PLCZ1: variants seen among roughly 807,000 people sequenced by gnomAD.
PLCZ1 encodes phospholipase C zeta 1, also known as 1-phosphatidylinositol 4,5-bisphosphate phosphodiesterase zeta-1.
A neutral mutation model predicts 76.8 loss-of-function variants in PLCZ1; 64 were observed. That is an observed-to-expected ratio of 0.83 (90% confidence interval 0.68 to 1.03). The LOEUF is 1.03. PLCZ1 is among the 50% of genes least tolerant of loss of function. PLCZ1 has a pLI of 0.00. For synonymous variants in PLCZ1, 248 were observed against 230.8 expected, an observed-to-expected ratio of 1.07 and a Z score of -0.68; for missense variants, 751 against 713.7, an observed-to-expected ratio of 1.05 and a Z score of -0.60.
At chr12:18,720,710 G>T (rs981578308) in intron 4 of PLCZ1, among the ~76,000 whole-genome samples, 4 of 151,978 alleles carry the variant, frequency 2.6e-5, no homozygotes, top group African/African-American at 9.7e-5. Flanking sequence ...CTTTGGCAGA[G>T]AATTTTATTT....
chr12:18,696,819 C>A (rs1955126649), intron 10 of PLCZ1, among the ~76,000 whole-genome samples: 5 of 152,050 alleles, frequency 3.3e-5, no homozygotes, highest in Admixed American at 2.6e-4. Context: ...GCATCTTCCC[C>A]CAAAGTTTAT....
intron 9 of PLCZ1, 27 bp downstream of exon 9, chr12:18,701,474 T>A: frequency 6.2e-7 from 1 of 1,614,044 alleles, no homozygotes; most frequent in Non-Finnish European, 8.5e-7. Context: ...CAATCACTTG[T>A]AAGATTTTCA....
At chr12:18,720,268 A>G (rs187088850) in intron 4 of PLCZ1, among the ~76,000 whole-genome samples, 16 of 151,918 alleles carry the variant, frequency 1.1e-4, no homozygotes, top group Admixed American at 9.9e-4. Context: ...TCTATCACTG[A>G]TAGGCATTTA....
the PLCZ1 span, among the ~76,000 whole-genome samples, chr12:18,677,837 T>C: frequency 1.4e-4 from 21 of 152,112 alleles, no homozygotes; most frequent in African/African-American, 4.1e-4. Flanking sequence ...TCCTTCCATT[T>C]TGGTTTTAAA....
At chr12:18,665,015 G>T in the PLCZ1 span, among the ~76,000 whole-genome samples, 1 of 107,248 alleles carries the variant, frequency 9.3e-6, no homozygotes, top group South Asian at 4.5e-4. Flanking sequence ...TGTGGGGTGG[G>T]GGGAGGGGGG....
chr12:18,674,290 T>G, the PLCZ1 span, among the ~76,000 whole-genome samples: 1 of 152,196 alleles, frequency 6.6e-6, no homozygotes, highest in South Asian at 2.1e-4. Flanking sequence ...ATTTCTCTCA[T>G]TTCCTGAATT....
chr12:18,663,486 T>C, the PLCZ1 span, among the ~76,000 whole-genome samples: 1 of 152,168 alleles, frequency 6.6e-6, no homozygotes, highest in Non-Finnish European at 1.5e-5. Context: ...ATGCAAATAC[T>C]ATGCTATTTT....
At chr12:18,726,592 T>C (rs1958763322) in intron 3 of PLCZ1, among the ~76,000 whole-genome samples, 1 of 152,190 alleles carries the variant, frequency 6.6e-6, no homozygotes, top group Admixed American at 6.6e-5. Flanking sequence ...TTGATTGTCA[T>C]TCTGAGTGTA....
chr12:18,651,857 G>A, the PLCZ1 span, among the ~76,000 whole-genome samples: 1 of 152,176 alleles, frequency 6.6e-6, no homozygotes, highest in Non-Finnish European at 1.5e-5. Context: ...GCAGGATGGA[G>A]CCAGGGGCAG....
At chr12:18,676,795 A>C in the PLCZ1 span, among the ~76,000 whole-genome samples, 5 of 152,284 alleles carry the variant, frequency 3.3e-5, no homozygotes, top group Non-Finnish European at 7.4e-5. Flanking sequence ...CTAGAAGGTC[A>C]GAAGGGAAAG....
At chr12:18,720,357 A>G (rs1287798989) in intron 4 of PLCZ1, among the ~76,000 whole-genome samples, 1 of 151,754 alleles carries the variant, frequency 6.6e-6, no homozygotes, top group Non-Finnish European at 1.5e-5. Flanking sequence ...AAATATATAC[A>G]CATTTCTGTA....
intron 10 of PLCZ1, among the ~76,000 whole-genome samples, chr12:18,696,888 T>C (rs1363744412): frequency 6.6e-6 from 1 of 152,186 alleles, no homozygotes; most frequent in African/African-American, 2.4e-5. Context: ...TTATTTCAAA[T>C]GTCGTTCTTA....
the PLCZ1 span, among the ~76,000 whole-genome samples, chr12:18,648,823 G>C: frequency 6.6e-6 from 1 of 151,990 alleles, no homozygotes; most frequent in Non-Finnish European, 1.5e-5. Flanking sequence ...CCTGCACAGT[G>C]GGTAAAATTT....
intron 3 of PLCZ1, among the ~76,000 whole-genome samples, chr12:18,734,800 C>T (rs1384349350): frequency 2.0e-5 from 3 of 152,090 alleles, no homozygotes; most frequent in Non-Finnish European, 2.9e-5. Context: ...ATTTCCAGTA[C>T]CATCTTGAAC....
chr12:18,697,318 T>G (rs1955205566), intron 10 of PLCZ1, among the ~76,000 whole-genome samples: 1 of 152,190 alleles, frequency 6.6e-6, no homozygotes, highest in Non-Finnish European at 1.5e-5. Context: ...TTTCAAAAGT[T>G]ACACATTCCT....
chr12:18,673,824 G>T, the PLCZ1 span, among the ~76,000 whole-genome samples: 4 of 152,282 alleles, frequency 2.6e-5, no homozygotes, highest in African/African-American at 9.6e-5. Flanking sequence ...CAGGGCCTCA[G>T]TTGCTCACTG....
chr12:18,696,687 T>C (rs1053771000), intron 10 of PLCZ1, among the ~76,000 whole-genome samples: 13 of 152,026 alleles, frequency 8.6e-5, no homozygotes, highest in Admixed American at 3.9e-4. Flanking sequence ...GGCAGAATCA[T>C]ATGGAAGTCA....
chr12:18,737,305 A>G (rs1959463594), intron 2 of PLCZ1, 56 bp downstream of exon 2: 2 of 1,561,762 alleles, frequency 1.3e-6, no homozygotes, highest in Non-Finnish European at 1.8e-6. Flanking sequence ...GCATCAAGTA[A>G]AGAGGATAAG....
chr12:18,675,916 T>C, the PLCZ1 span, among the ~76,000 whole-genome samples: 7 of 152,020 alleles, frequency 4.6e-5, no homozygotes, highest in African/African-American at 1.7e-4. Context: ...TTGGGTACAA[T>C]GTTAACTATT....
Sources: gnomAD v4.1 joint callset for allele counts (sites outside exome capture counted in the v4.1 genomes callset) on GRCh38, gnomAD v4.1.1 for gene constraint, MANE v1.5 for transcripts, NCBI Gene and HGNC (gene_info 2026-07-23, HGNC 2026-07-21) for gene names.